The following ZRANB3 variants were observed in gnomAD, a reference collection of about 807,000 sequenced individuals.
ZRANB3 encodes DNA annealing helicase and endonuclease ZRANB3.
In ZRANB3, 125 loss-of-function variants were observed where a neutral mutation model predicts 133.8. The ratio of observed to expected loss-of-function variants is 0.93; its 90% CI spans 0.81 to 1.08. ZRANB3 has a LOEUF of 1.08. Ranked by LOEUF, ZRANB3 falls within the 50% of genes least tolerant of loss-of-function variation. The pLI is 0.00. For synonymous variants in ZRANB3, 387 were observed against 432.7 expected, an observed-to-expected ratio of 0.89 and a Z score of 1.31; for missense variants, 1,229 against 1,275.5, an observed-to-expected ratio of 0.96 and a Z score of 0.56.
intron 2 of ZRANB3, among the ~76,000 whole-genome samples, chr2:135,490,010 G>A (rs1559033670): frequency 1.3e-5 from 2 of 152,054 alleles, no homozygotes; most frequent in African/African-American, 4.8e-5. Flanking sequence ...GAAACACAAA[G>A]GTCAATGCCA....
chr2:135,199,946 T>C lies in ZRANB3; in HGVS notation c.*396A>G. ...TGCGTCTGAAATTTCCCATAAGGTT[T>C]TGCAATGTTCCACTCATACCTATGA... is the stretch of plus-strand genomic sequence containing the variant. On this transcript the variant is annotated 3_prime_UTR_variant, in exon 21 of 21. Coordinates refer to ENST00000264159, the MANE Select transcript of ZRANB3 (RefSeq NM_032143.4). 1 of 206,870 alleles carries C rather than the reference T, an allele frequency of 4.8e-6. No individual in the cohort carries two copies. The highest frequency in any genetic ancestry group is 9.8e-6 in the Non-Finnish European group (1 of 101,534). 12.8% of individuals were successfully genotyped at this position (206,870 alleles called of 1,614,324 possible).
At chr2:135,304,504 T>C (rs1353920598) in intron 8 of ZRANB3, among the ~76,000 whole-genome samples, 1 of 152,200 alleles carries the variant, frequency 6.6e-6, no homozygotes, top group African/African-American at 2.4e-5. Flanking sequence ...CACTGACCTA[T>C]AGTTTTCTCA....
At chr2:135,362,544 G>GT (rs1685742142) in intron 3 of ZRANB3, among the ~76,000 whole-genome samples, 1 of 152,260 alleles carries the variant, frequency 6.6e-6, no homozygotes, top group South Asian at 2.1e-4. Context: ...CTTAAGTAGA[G>GT]TTGTAGTCCA....
intron 8 of ZRANB3, among the ~76,000 whole-genome samples, chr2:135,310,188 C>T (rs1215246035): frequency 6.6e-6 from 1 of 152,134 alleles, no homozygotes; most frequent in Non-Finnish European, 1.5e-5. Context: ...CCACCTGCCT[C>T]GGCCTCCCAA....
At chr2:135,358,140 T>C (rs1013359671) in intron 3 of ZRANB3, among the ~76,000 whole-genome samples, 5 of 152,222 alleles carry the variant, frequency 3.3e-5, no homozygotes, top group African/African-American at 9.6e-5. Flanking sequence ...ACAATACTGC[T>C]AAAATCTTGG....
chr2:135,265,029 G>A (rs1680160852), intron 12 of ZRANB3, among the ~76,000 whole-genome samples: 2 of 152,108 alleles, frequency 1.3e-5, no homozygotes, highest in South Asian at 4.1e-4. Flanking sequence ...AATTACAGGT[G>A]TGAGCCACCA....
chr2:135,322,754 C>G (rs546972002), intron 6 of ZRANB3, among the ~76,000 whole-genome samples: 4 of 151,858 alleles, frequency 2.6e-5, no homozygotes, highest in Admixed American at 6.6e-5. Context: ...CAGTGGCTCA[C>G]GCCTGTAATC....
chr2:135,232,237 C>T (rs1156379353), intron 12 of ZRANB3, among the ~76,000 whole-genome samples: 1 of 152,176 alleles, frequency 6.6e-6, no homozygotes, highest in Non-Finnish European at 1.5e-5. Context: ...TGCAGTGAGG[C>T]TGGGGGAGGG....
rs1694147383 is a variant in ZRANB3 at position 135,212,728 on chromosome 2, T to C, written c.2496-3750A>G. Among the ~76,000 whole-genome samples the C allele has an allele frequency of 4.6e-5, 7 of 152,186 alleles. No individual in the cohort carries two copies. The South Asian group carries it at 1.4e-3, about 31-fold the overall frequency. On this transcript the variant is annotated intron_variant, in intron 17 of 20. Coordinates refer to ENST00000264159, the MANE Select transcript of ZRANB3 (RefSeq NM_032143.4). Reference sequence around the variant, plus strand: ...GGGAGAATGTTGTCTACTAAACAAATTCCTGGATAGGGACGGGAGTGGAAG... The same window carrying C: ...GGGAGAATGTTGTCTACTAAACAAACTCCTGGATAGGGACGGGAGTGGAAG...
chr2:135,375,027 A>C (rs1036780458), intron 3 of ZRANB3, among the ~76,000 whole-genome samples: 2 of 152,192 alleles, frequency 1.3e-5, no homozygotes, highest in African/African-American at 4.8e-5. Context: ...TAGAATAGCT[A>C]AAAGAAAAAT....
At chr2:135,525,848 CAAAAAAAAAAA>C (rs557386914) in intron 1 of ZRANB3, among the ~76,000 whole-genome samples, 183 of 67,038 alleles carry the variant, frequency 2.7e-3, no homozygotes, top group Non-Finnish European at 4.3e-3. Context: ...AACTCTGTCT[CAAAAAAAAAAA>C]AAAAAAAAGG....
intron 3 of ZRANB3, among the ~76,000 whole-genome samples, chr2:135,381,172 C>T (rs1433828054): frequency 1.3e-5 from 2 of 152,132 alleles, no homozygotes; most frequent in Non-Finnish European, 2.9e-5. Context: ...CTTTTCTGAC[C>T]GTCATAGCAA....
chr2:135,454,762 C>T (rs776094391), intron 2 of ZRANB3, among the ~76,000 whole-genome samples: 15 of 152,186 alleles, frequency 9.9e-5, no homozygotes, highest in Non-Finnish European at 1.9e-4. Flanking sequence ...CTGCAAAAGA[C>T]ATTTTTCATT....
In ZRANB3 at chr2:135,198,198, G is replaced by T. The variant is rs890048504; in HGVS notation, c.*2144C>A. On this transcript the variant is annotated 3_prime_UTR_variant, in exon 21 of 21. Transcript: ENST00000264159. ...GTCCCTCTGTCATAACCTCCCATTT[G>T]CAATACATAGTGGGGAGCTTCTGTT... The T allele has an allele frequency of 5.3e-5, 8 of 152,096 alleles. No individual in the cohort carries two copies. Among genetic ancestry groups the T allele is most frequent in the African/African-American group, 1.9e-4 (8 of 41,414 alleles). The allele number at this position is 152,096 out of a possible 1,614,324, so 9.4% of individuals were successfully genotyped here.
At position 135,208,949 on chromosome 2, in the gene ZRANB3, G is replaced by A; in HGVS notation, c.2525C>T (p.Ala842Val). Reference protein sequence around the residue: ...RYITKEDVAVASMDKVKNVGG... With the variant: ...RYITKEDVAVVSMDKVKNVGG... ...AACATTCTTCACTTTGTCCATTGAGGCTACGGCAACATCTTCTTTGGTTAT... is the reference window on the plus strand; with the variant it reads ...AACATTCTTCACTTTGTCCATTGAGACTACGGCAACATCTTCTTTGGTTAT... Residue 842 changes from alanine to valine, a missense_variant, in exon 18 of 21, where the codon GCC becomes GTC. By Grantham distance (64) the Ala-to-Val change is moderately conservative. Transcript: ENST00000264159. The A allele has an allele frequency of 6.2e-7, 1 of 1,613,922 alleles. No individual in the cohort carries two copies. The highest frequency in any genetic ancestry group is 8.5e-7 in the Non-Finnish European group (1 of 1,179,860).
intron 2 of ZRANB3, among the ~76,000 whole-genome samples, chr2:135,480,255 T>A (rs184858045): frequency 1.3e-5 from 2 of 152,238 alleles, no homozygotes; most frequent in Admixed American, 1.3e-4. Context: ...TACTTTCACT[T>A]AATTACCCTT....
chr2:135,376,963 C>T (rs1204367822), intron 3 of ZRANB3, among the ~76,000 whole-genome samples: 1 of 152,132 alleles, frequency 6.6e-6, no homozygotes, highest in East Asian at 1.9e-4. Flanking sequence ...AGGTGCTGAC[C>T]TGAGTAACAT....
chr2:135,500,822 C>A (rs1473618263), intron 2 of ZRANB3, among the ~76,000 whole-genome samples: 1 of 147,990 alleles, frequency 6.8e-6, no homozygotes, highest in African/African-American at 2.5e-5. Context: ...CAGATTAGAC[C>A]AGCCGGTTGT....
At chr2:135,290,125 T>C (rs1191311123) in intron 8 of ZRANB3, among the ~76,000 whole-genome samples, 3 of 152,178 alleles carry the variant, frequency 2.0e-5, no homozygotes, top group East Asian at 1.9e-4. Flanking sequence ...TATTCTAGGG[T>C]ATAGTTTCAG....
Sources: gnomAD v4.1 joint callset for allele counts (sites outside exome capture counted in the v4.1 genomes callset) on GRCh38, gnomAD v4.1.1 for gene constraint, MANE v1.5 for transcripts, NCBI Gene and HGNC (gene_info 2026-07-23, HGNC 2026-07-21) for gene names.